The following CSMD1 variants were observed in gnomAD, a reference collection of about 807,000 sequenced individuals.
The protein encoded by CSMD1 is CUB and Sushi multiple domains 1.
CSMD1 carries 213 observed loss-of-function variants against 417.5 expected under a neutral mutation model. That is an observed-to-expected ratio of 0.51 (90% CI 0.46 to 0.57). The LOEUF is 0.57. CSMD1 is among the 20% of genes least tolerant of loss of function. CSMD1 has a pLI of 0.00. For missense variants in CSMD1, 6,923 were observed against 4,529.7 expected (o/e 1.53, Z -15.17); for synonymous variants, 2,862 against 1,736.8 (o/e 1.65, Z -16.11).
At chr8:4,515,505 C>T (rs757951099) in intron 2 of CSMD1, among the ~76,000 whole-genome samples, 7 of 152,132 alleles carry the variant, frequency 4.6e-5, no homozygotes, top group Non-Finnish European at 1.0e-4. Flanking sequence ...TAAAGAAATA[C>T]ACGGTTTTAT....
At chr8:3,991,106 G>C (rs907862623) in intron 5 of CSMD1, among the ~76,000 whole-genome samples, 3 of 152,162 alleles carry the variant, frequency 2.0e-5, no homozygotes, top group African/African-American at 7.2e-5. Context: ...CCCTGGCCAC[G>C]AGCCGAGAGA....
At chr8:4,614,311 G>C (rs865974224) in intron 2 of CSMD1, among the ~76,000 whole-genome samples, 3 of 152,146 alleles carry the variant, frequency 2.0e-5, no homozygotes, top group Middle Eastern at 3.2e-3. Flanking sequence ...CCAAAACTCT[G>C]TAGAAAATCC....
At chr8:3,712,729 G>C (rs1034766478) in intron 6 of CSMD1, among the ~76,000 whole-genome samples, 5 of 152,166 alleles carry the variant, frequency 3.3e-5, no homozygotes, top group African/African-American at 1.2e-4. Flanking sequence ...TTGTGTGGAA[G>C]ATAACTTCAA....
At chr8:4,824,653 C>A (rs1320137957) in intron 1 of CSMD1, among the ~76,000 whole-genome samples, 1 of 152,126 alleles carries the variant, frequency 6.6e-6, no homozygotes, top group Non-Finnish European at 1.5e-5. Context: ...CAGAAGGAAT[C>A]TCATAACGAA....
At chr8:4,337,844 C>G (rs1421865856) in intron 3 of CSMD1, among the ~76,000 whole-genome samples, 1 of 152,038 alleles carries the variant, frequency 6.6e-6, no homozygotes, top group African/African-American at 2.4e-5. Flanking sequence ...ACTTCTTGTT[C>G]CTTCGTAAAG....
In CSMD1 at chr8:2,998,045, G is replaced by T; in HGVS notation, c.8343C>A (p.Asn2781Lys). 6.2e-7 allele frequency: 1 copy of T among 1,613,950 alleles called. No homozygotes were observed. The highest frequency in any genetic ancestry group is 1.7e-4 in the Middle Eastern group (1 of 6,060). Residue 2781 changes from asparagine (N) to lysine (K), a missense_variant, in exon 54 of 70, where the codon AAC (asparagine) becomes AAA (lysine). Physicochemically the swap from Asn to Lys is moderately conservative, Grantham distance 94. Coordinates refer to ENST00000635120, the MANE Select transcript of CSMD1 (RefSeq NM_033225.6). Reference sequence around the variant, plus strand: ...TGGGCAGAGGGCTACTCCACTGGCCGTTGCTCCGACACTGGGCTCGAGACA... The same window carrying T: ...TGGGCAGAGGGCTACTCCACTGGCCTTTGCTCCGACACTGGGCTCGAGACA... ...QGVSRAQCRS[N>K]GQWSSPLPTC...
At chr8:3,966,654 G>C (rs1327804880) in intron 5 of CSMD1, among the ~76,000 whole-genome samples, 1 of 151,956 alleles carries the variant, frequency 6.6e-6, no homozygotes, top group Non-Finnish European at 1.5e-5. Flanking sequence ...TGAGGGCAAA[G>C]ACCATGTGCT....
At chr8:4,315,596 T>C (rs969747563) in intron 3 of CSMD1, among the ~76,000 whole-genome samples, 3 of 152,182 alleles carry the variant, frequency 2.0e-5, no homozygotes, top group African/African-American at 7.2e-5. Flanking sequence ...CTTTGCCAGA[T>C]ATTATGAATA....
chr8:4,427,936 A>G (rs970831342), intron 2 of CSMD1, among the ~76,000 whole-genome samples: 1 of 152,192 alleles, frequency 6.6e-6, no homozygotes, highest in Non-Finnish European at 1.5e-5. Flanking sequence ...CACTTTATTT[A>G]AAGTTATGTT....
At chr8:4,174,551 GT>G (rs1417902606) in intron 3 of CSMD1, among the ~76,000 whole-genome samples, 2 of 150,694 alleles carry the variant, frequency 1.3e-5, no homozygotes, top group Non-Finnish European at 2.9e-5. Context: ...CAAAAGAGAT[GT>G]TTTTATAAAT....
chr8:4,899,218 A>G (rs1804703901), intron 1 of CSMD1, among the ~76,000 whole-genome samples: 1 of 152,218 alleles, frequency 6.6e-6, no homozygotes, highest in Non-Finnish European at 1.5e-5. Flanking sequence ...CATCATTTGA[A>G]GCAAATACTT....
At chr8:2,939,690 A>G (rs980502794) in intron 69 of CSMD1, among the ~76,000 whole-genome samples, 1 of 152,254 alleles carries the variant, frequency 6.6e-6, no homozygotes, top group Non-Finnish European at 1.5e-5. Context: ...AGATTTCCTT[A>G]TGTTACACAT....
At chr8:3,106,479 T>C (rs1265647839) in intron 46 of CSMD1, 49 bp downstream of exon 46, 3 of 1,137,288 alleles carry the variant, frequency 2.6e-6, no homozygotes, top group South Asian at 1.4e-5. Context: ...ACAATACAAT[T>C]TTCCATGTTG....
intron 7 of CSMD1, among the ~76,000 whole-genome samples, chr8:3,625,033 T>C (rs1442860977): frequency 1.3e-5 from 2 of 152,090 alleles, no homozygotes; most frequent in East Asian, 1.9e-4. Flanking sequence ...ATAATTTTGA[T>C]TTACAGCATC....
chr8:3,609,709 G>C (rs1801793768), intron 8 of CSMD1, among the ~76,000 whole-genome samples: 1 of 139,102 alleles, frequency 7.2e-6, no homozygotes. Flanking sequence ...TGGATTACAT[G>C]TTAGTCATTA....
At chr8:4,524,649 T>C (rs10108865) in intron 2 of CSMD1, among the ~76,000 whole-genome samples, 31,469 of 150,826 alleles carry the variant, frequency 0.21, 4,044 homozygotes, top group Admixed American at 0.34. Context: ...GTGAGTCATG[T>C]TGATGAAATA....
At chr8:4,863,151 A>C (rs1360442327) in intron 1 of CSMD1, among the ~76,000 whole-genome samples, 1 of 152,258 alleles carries the variant, frequency 6.6e-6, no homozygotes, top group African/African-American at 2.4e-5. Context: ...TTACATTAAT[A>C]ATTAGAAATA....
Position 4,570,441 on chromosome 8 carries a change from T to C in CSMD1, c.302+66901A>G, listed in dbSNP as rs370754117. Among the ~76,000 whole-genome samples, 31 of 152,322 alleles carry C rather than the reference T, an allele frequency of 2.0e-4. No individual in the cohort carries two copies. The East Asian group carries it at 3.1e-3, about 15-fold the overall frequency. On this transcript the variant is annotated intron_variant, in intron 2 of 69. Coordinates refer to ENST00000635120, the MANE Select transcript of CSMD1 (RefSeq NM_033225.6). The stretch of plus-strand genomic sequence containing the variant: ...TGTTTATGTGATGGATTACGCCTAT[T>C]GATTTGTGTATTTTGAGCTAGCCTT...
chr8:4,064,701 T>C (rs1799154207), intron 3 of CSMD1, among the ~76,000 whole-genome samples: 1 of 152,224 alleles, frequency 6.6e-6, no homozygotes, highest in Non-Finnish European at 1.5e-5. Flanking sequence ...CCTGGCGTGT[T>C]GGTCACCCCC....
Sources: gnomAD v4.1 joint callset for allele counts (sites outside exome capture counted in the v4.1 genomes callset) on GRCh38, gnomAD v4.1.1 for gene constraint, MANE v1.5 for transcripts, NCBI Gene and HGNC (gene_info 2026-07-23, HGNC 2026-07-21) for gene names.